The following TCF7L1 variants were observed in gnomAD, a reference collection of about 807,000 sequenced individuals.
TCF7L1 encodes transcription factor 7 like 1.
Under a neutral mutation model 63.7 loss-of-function variants are expected in TCF7L1, and 18 were observed. The observed-to-expected ratio is 0.28, with a 90% CI of 0.20 to 0.42. The LOEUF (loss-of-function observed/expected upper bound fraction) is 0.42, where lower values mean the gene tolerates loss of function less well. Among genes scored for constraint, TCF7L1 ranks in the 10% least tolerant of loss-of-function variants. The pLI is 1.00. For synonymous variants in TCF7L1, 355 were observed against 340.9 expected (o/e 1.04, Z -0.46); for missense variants, 654 against 779.3 (o/e 0.84, Z 1.91).
At chr2:85,262,067 A>G (rs1404250889) in intron 3 of TCF7L1, 2 of 535,750 alleles carry the variant, frequency 3.7e-6, no homozygotes, top group South Asian at 1.4e-5. Flanking sequence ...TAGCAGAGGA[A>G]TACCTCCTTT....
chr2:85,302,782 T>G (rs1682014316), intron 5 of TCF7L1, among the ~76,000 whole-genome samples, 166 bp downstream of exon 5: 4 of 152,168 alleles, frequency 2.6e-5, no homozygotes, highest in Admixed American at 2.6e-4. Flanking sequence ...ATTTTTTTTT[T>G]CATCTGTGCC....
chr2:85,308,417 T>TCCCTCCCTTCCTTTCTCCC (rs1682177275), intron 11 of TCF7L1, among the ~76,000 whole-genome samples: 1 of 65,062 alleles, frequency 1.5e-5, no homozygotes, highest in African/African-American at 8.8e-5. Context: ...CCCTTTCCCC[T>TCCCTCCCTTCCTTTCTCCC]TCCCTCCCTC....
chr2:85,184,182 G>T (rs540905961), intron 3 of TCF7L1, among the ~76,000 whole-genome samples: 9 of 152,328 alleles, frequency 5.9e-5, no homozygotes, highest in African/African-American at 2.2e-4. Flanking sequence ...AGGTGTCCAT[G>T]TGGGTTAGAA....
chr2:85,274,071 CAG>C (rs1238748070), intron 3 of TCF7L1, among the ~76,000 whole-genome samples: 1 of 152,126 alleles, frequency 6.6e-6, no homozygotes, highest in Non-Finnish European at 1.5e-5. Context: ...AGGGGAGAGA[CAG>C]AGGGAGGGGC....
chr2:85,176,817 T>C (rs1289930423), intron 3 of TCF7L1, among the ~76,000 whole-genome samples: 1 of 151,802 alleles, frequency 6.6e-6, no homozygotes, highest in East Asian at 1.9e-4. Flanking sequence ...TGAAACCTTG[T>C]CTCTACTAAA....
chr2:85,239,152 T>A (rs72831499), intron 3 of TCF7L1, among the ~76,000 whole-genome samples: 4,929 of 151,942 alleles, frequency 0.032, 93 homozygotes, highest in Middle Eastern at 0.044. Context: ...GAAGGAAGGG[T>A]TAAGAGTTGG....
At chr2:85,270,035 T>G (rs1681112767) in intron 3 of TCF7L1, among the ~76,000 whole-genome samples, 2 of 152,182 alleles carry the variant, frequency 1.3e-5, no homozygotes, top group Admixed American at 1.3e-4. Context: ...CCAGGAGTTG[T>G]TGACTTTGGC....
At chr2:85,267,345 A>AG in intron 3 of TCF7L1, among the ~76,000 whole-genome samples, 1 of 148,074 alleles carries the variant, frequency 6.8e-6, no homozygotes, top group East Asian at 2.0e-4. Context: ...AAAAAAAAAA[A>AG]AAAAAAAAGA....
intron 3 of TCF7L1, among the ~76,000 whole-genome samples, chr2:85,219,861 G>T (rs1679804816): frequency 6.6e-6 from 1 of 152,196 alleles, no homozygotes; most frequent in Non-Finnish European, 1.5e-5. Flanking sequence ...CTGGGCTGAG[G>T]TATTTGAGGG....
At chr2:85,274,342 G>A (rs79981175) in intron 3 of TCF7L1, among the ~76,000 whole-genome samples, 201 of 152,284 alleles carry the variant, frequency 1.3e-3, no homozygotes, top group African/African-American at 4.6e-3. Flanking sequence ...GCTCTGTCCC[G>A]GGGTCCCCCT....
intron 3 of TCF7L1, among the ~76,000 whole-genome samples, chr2:85,189,813 G>A (rs1414271591): frequency 6.6e-5 from 10 of 152,182 alleles, no homozygotes; most frequent in African/African-American, 2.4e-4. Flanking sequence ...GCTGAGAGGG[G>A]CGCTGCGAGC....
intron 3 of TCF7L1, among the ~76,000 whole-genome samples, chr2:85,189,734 A>G (rs1489396360): frequency 6.6e-6 from 1 of 152,178 alleles, no homozygotes; most frequent in African/African-American, 2.4e-5. Context: ...GCTCCTGTCC[A>G]TCAGGCTGAA....
chr2:85,138,005 A>T (rs1222509258), intron 3 of TCF7L1, among the ~76,000 whole-genome samples: 1 of 152,200 alleles, frequency 6.6e-6, no homozygotes, highest in Non-Finnish European at 1.5e-5. Flanking sequence ...AATGTGGTTC[A>T]GCAAGCCAGC....
Position 85,309,205 on chromosome 2 carries a change from T to A in TCF7L1, c.1510T>A (p.Ser504Thr). 6.2e-7 allele frequency: 1 copy of A among 1,613,792 alleles called. No individual in the cohort carries two copies. ...ATHSEQAQPL[S>T]LTTKPETRAQ... ...CCATTCGGAGCAAGCCCAGCCCCTC[T>A]CCCTCACCACCAAACCAGAAACCCG... The change falls in exon 12 of 12, where the codon TCC becomes ACC. Residue 504 changes from serine (S) to threonine (T), a missense_variant. Ser to Thr is a moderately conservative substitution (Grantham distance 58, BLOSUM62 1). Transcript: ENST00000282111.
chr2:85,212,742 G>A (rs1051499847), intron 3 of TCF7L1, among the ~76,000 whole-genome samples: 2 of 152,106 alleles, frequency 1.3e-5, no homozygotes, highest in Non-Finnish European at 2.9e-5. Flanking sequence ...CTTGGTGCAC[G>A]TCAGTATCTT....
chr2:85,159,346 C>A (rs897959438), intron 3 of TCF7L1, among the ~76,000 whole-genome samples: 1 of 152,170 alleles, frequency 6.6e-6, no homozygotes, highest in African/African-American at 2.4e-5. Flanking sequence ...TCCTGCTCAG[C>A]CTGCAGCTTC....
rs189010157 is a variant in TCF7L1 at position 85,205,049 on chromosome 2, A to G, written c.441+70599A>G. 1.6e-3 allele frequency: 247 copies of G among 152,288 alleles called. 1 individual carries two copies. Among genetic ancestry groups the G allele is most frequent in the African/African-American group, 5.7e-3 (236 of 41,556 alleles). 9.4% of individuals were successfully genotyped at this position (152,288 alleles called of 1,614,324 possible). ...CATATTTTAAACAACATATTTAGAG[A>G]TAGAAAAGGGAAAACTACCTAGAAG... On this transcript the variant is annotated intron_variant, in intron 3 of 11. Coordinates refer to ENST00000282111, the MANE Select transcript of TCF7L1 (RefSeq NM_031283.3).
At chr2:85,200,862 G>A (rs950465537) in intron 3 of TCF7L1, among the ~76,000 whole-genome samples, 2 of 151,904 alleles carry the variant, frequency 1.3e-5, no homozygotes, top group South Asian at 2.1e-4. Flanking sequence ...AGTTACCTGC[G>A]ACACTTGAGT....
At position 85,244,513 on chromosome 2, in the gene TCF7L1, G is replaced by A. The variant is rs182669365; in HGVS notation, c.442-38982G>A. ...GATGGAACAAATGTGGGGAGCAAGA[G>A]GAAGAAGAGTTAGGAATGTCTCCTG... On this transcript the variant is annotated intron_variant, in intron 3 of 11. Transcript: ENST00000282111. Among the ~76,000 whole-genome samples, 903 of 151,394 alleles carry A rather than the reference G, an allele frequency of 6.0e-3. 12 individuals are homozygous for A. Among genetic ancestry groups the A allele is most frequent in the African/African-American group, 0.021 (854 of 41,484 alleles).
Sources: allele counts gnomAD v4.1 joint callset (sites outside exome capture counted in the v4.1 genomes callset), GRCh38; gene constraint gnomAD v4.1.1; transcripts MANE v1.5; gene names NCBI Gene and HGNC (gene_info 2026-07-23, HGNC 2026-07-21).